The following KIAA1671 variants were observed in gnomAD, a reference collection of about 807,000 sequenced individuals.
KIAA1671 encodes the protein uncharacterized protein KIAA1671.
Under a neutral mutation model 131.2 loss-of-function variants are expected in KIAA1671, and 52 were observed. The ratio of observed to expected loss-of-function variants is 0.40; its 90% confidence interval spans 0.32 to 0.50. The LOEUF (loss-of-function observed/expected upper bound fraction) is 0.50. KIAA1671 is among the 20% of genes least tolerant of loss of function. KIAA1671 has a pLI of 0.73. For missense variants in KIAA1671, 2,360 were observed against 2,364.2 expected (o/e 1.00, Z 0.04); for synonymous variants, 1,003 against 961.6 (o/e 1.04, Z -0.80).
At position 25,130,966 on chromosome 22, in the gene KIAA1671, T is replaced by C. The variant is rs1408379959; in HGVS notation, c.4531-39854T>C. On this transcript the variant is annotated intron_variant, in intron 6 of 12. Transcript: ENST00000358431. ...AGGTTTTTAATATATTGGACTAATA[T>C]GATTTTGCTTAAAGAGATTTTTTTT... is the stretch of plus-strand genomic sequence containing the variant. Among the ~76,000 whole-genome samples the C allele has an allele frequency of 3.3e-5, 5 of 152,228 alleles. No homozygotes were observed. The East Asian group carries it at 5.8e-4, about 18-fold the overall frequency.
At chr22:25,052,939 C>A (rs978054942) in intron 6 of KIAA1671, 4 of 152,220 alleles carry the variant, frequency 2.6e-5, no homozygotes, top group Non-Finnish European at 5.9e-5. Context: ...TGGTCTCAAA[C>A]ACCTGACCTC....
At chr22:24,954,928 C>T (rs1392057368) in intron 1 of KIAA1671, among the ~76,000 whole-genome samples, 1 of 152,112 alleles carries the variant, frequency 6.6e-6, no homozygotes, top group African/African-American at 2.4e-5. Context: ...TTACAGATGC[C>T]CGCCACTCTG....
chr22:24,963,280 C>G (rs1455917662), intron 1 of KIAA1671, among the ~76,000 whole-genome samples: 5 of 147,174 alleles, frequency 3.4e-5, no homozygotes, highest in African/African-American at 1.3e-4. Context: ...AGGAGAATCA[C>G]TTGAACCTGG....
chr22:25,179,398 G>A, intron 9 of KIAA1671: 1 of 1,610,954 alleles, frequency 6.2e-7, no homozygotes, highest in Non-Finnish European at 8.5e-7. Context: ...AGTGCGGCCA[G>A]GTGCGCCTCG....
At chr22:24,979,201 G>A (rs1242755058) in intron 1 of KIAA1671, among the ~76,000 whole-genome samples, 1 of 119,908 alleles carries the variant, frequency 8.3e-6, no homozygotes, top group East Asian at 2.5e-4. Context: ...TTTTAGTAGA[G>A]ATGGGATTTC....
chr22:25,093,796 C>CTT (rs1930220876), intron 6 of KIAA1671, among the ~76,000 whole-genome samples: 2 of 141,594 alleles, frequency 1.4e-5, no homozygotes, highest in Non-Finnish European at 3.1e-5. Flanking sequence ...CTCTCTCTCT[C>CTT]TCTCTCTCTC....
chr22:25,085,152 G>A (rs1929637968), intron 6 of KIAA1671, among the ~76,000 whole-genome samples: 1 of 152,204 alleles, frequency 6.6e-6, no homozygotes, highest in Non-Finnish European at 1.5e-5. Context: ...GATGTGCCCA[G>A]GTGACATTCA....
chr22:25,188,280 G>A lies in KIAA1671; in HGVS notation c.5343-2422G>A, dbSNP rs961865775. Among the ~76,000 whole-genome samples the A allele has an allele frequency of 5.5e-4, 83 of 149,588 alleles. 1 individual carries two copies. Among genetic ancestry groups the A allele is most frequent in the African/African-American group, 1.8e-3 (74 of 40,092 alleles). ...GGCGCCACTGCACTGCAGCCTGGGC[G>A]ACAGAGAGAGACTCCGTCTCAAAAC... is the stretch of plus-strand genomic sequence containing the variant. On this transcript the variant is annotated intron_variant, in intron 11 of 12. Transcript: ENST00000358431.
chr22:25,149,919 C>T (rs1370169176), intron 6 of KIAA1671, among the ~76,000 whole-genome samples: 1 of 152,204 alleles, frequency 6.6e-6, no homozygotes, highest in Non-Finnish European at 1.5e-5. Context: ...GAAGCCTTCC[C>T]TGACCCCCTC....
chr22:25,038,181 TG>T (rs1269322211), intron 4 of KIAA1671, among the ~76,000 whole-genome samples: 5 of 152,176 alleles, frequency 3.3e-5, no homozygotes, highest in African/African-American at 4.8e-5. Flanking sequence ...TTTATTTTTT[TG>T]GTGTAGACAA....
chr22:25,038,623 T>G, intron 4 of KIAA1671, 137 bp from the exon 5 acceptor site: 1 of 902,138 alleles, frequency 1.1e-6, no homozygotes, highest in Non-Finnish European at 1.6e-6. Context: ...CCACACTGGG[T>G]GTGTTCATTC....
intron 5 of KIAA1671, among the ~76,000 whole-genome samples, chr22:25,043,817 G>A (rs2145811680): frequency 6.6e-6 from 1 of 152,248 alleles, no homozygotes; most frequent in African/African-American, 2.4e-5. Context: ...GGGACATGTG[G>A]AAATGGACTT....
intron 6 of KIAA1671, among the ~76,000 whole-genome samples, chr22:25,106,891 T>C (rs1007451205): frequency 1.7e-4 from 26 of 152,386 alleles, no homozygotes; most frequent in African/African-American, 6.0e-4. Flanking sequence ...TTTTCATCAT[T>C]ATCTATGTGA....
chr22:25,035,111 C>T (rs2145797726), intron 4 of KIAA1671, among the ~76,000 whole-genome samples: 1 of 147,164 alleles, frequency 6.8e-6, no homozygotes, highest in Admixed American at 7.0e-5. Context: ...GTCACGTGAT[C>T]TCAGCCCACT....
intron 1 of KIAA1671, among the ~76,000 whole-genome samples, chr22:24,976,239 G>A (rs1280474192): frequency 6.6e-6 from 1 of 152,192 alleles, no homozygotes; most frequent in African/African-American, 2.4e-5. Context: ...CCCCAGGGGT[G>A]GGCATTGGAT....
chr22:25,012,636 G>A (rs1338187094), intron 1 of KIAA1671: 1 of 152,024 alleles, frequency 6.6e-6, no homozygotes, highest in East Asian at 1.9e-4. Flanking sequence ...AAACTCTTTT[G>A]TAAACAAAAC....
intron 1 of KIAA1671, among the ~76,000 whole-genome samples, chr22:24,995,355 G>GTT (rs75900994): frequency 8.1e-5 from 11 of 136,298 alleles, no homozygotes; most frequent in African/African-American, 2.4e-4. Context: ...CCCGGCCAAG[G>GTT]TTTTTTTTTT....
intron 4 of KIAA1671, among the ~76,000 whole-genome samples, chr22:25,034,193 C>G (rs1406412901): frequency 6.6e-6 from 1 of 151,876 alleles, no homozygotes; most frequent in Non-Finnish European, 1.5e-5. Flanking sequence ...TTACAGGCAC[C>G]CACTACCACG....
In KIAA1671 at chr22:25,040,258, T is replaced by A; in HGVS notation, c.3128T>A (p.Val1043Glu). ...CCCAATACTCAAAAGGCAAAGGGTG[T>A]GGTTCTGTCAGGAGCTGAAAGCTTG... ...QIPNTQKAKG[V>E]VLSGAESLLE... The change falls in exon 5 of 13, where the codon GTG becomes GAG. Residue 1043 changes from valine (V) to glutamate (E), a missense_variant. Coordinates refer to ENST00000358431, the MANE Select transcript of KIAA1671 (RefSeq NM_001145206.2). 6.4e-7 allele frequency: 1 copy of A among 1,551,700 alleles called. No individual in the cohort carries two copies. Among genetic ancestry groups the A allele is most frequent in the Non-Finnish European group, 8.7e-7 (1 of 1,146,992 alleles).
Sources: gnomAD v4.1 joint callset for allele counts (sites outside exome capture counted in the v4.1 genomes callset) on GRCh38, gnomAD v4.1.1 for gene constraint, MANE v1.5 for transcripts, NCBI Gene and HGNC (gene_info 2026-07-23, HGNC 2026-07-21) for gene names.